PLCB4: variants seen among roughly 807,000 people sequenced by gnomAD.
PLCB4 encodes the protein 1-phosphatidylinositol 4,5-bisphosphate phosphodiesterase beta-4.
Under a neutral mutation model 178.8 loss-of-function variants are expected in PLCB4, and 77 were observed. The ratio of observed to expected loss-of-function variants is 0.43; its 90% confidence interval spans 0.36 to 0.52. PLCB4 has a LOEUF of 0.52. Among genes scored for constraint, PLCB4 ranks in the 20% least tolerant of loss-of-function variants. The pLI is 0.00. For missense variants in PLCB4, 1,024 were observed against 1,453.4 expected, an observed-to-expected ratio of 0.70 and a Z score of 4.80; for synonymous variants, 496 against 490.8, an observed-to-expected ratio of 1.01 and a Z score of -0.14.
intron 11 of PLCB4, 25 bp downstream of exon 11, chr20:9,372,428 C>G (rs746227939): frequency 9.5e-6 from 11 of 1,163,298 alleles, no homozygotes; most frequent in African/African-American, 1.5e-5. Context: ...TGAGGAAGTG[C>G]CATATAAATA....
rs977204316 is a variant in PLCB4, at chr20:9,419,799, C to T, written c.2052-8C>T. ...TACTAATAAACTTCTATGCTATTGT[C>T]CTACCAGGTACCTTCTCAAACCAGA... On this transcript the variant is annotated splice_region_variant and splice_polypyrimidine_tract_variant and intron_variant, in intron 25 of 39. Coordinates refer to ENST00000378473, the MANE Select transcript of PLCB4 (RefSeq NM_001377142.1). 1.9e-6 allele frequency: 3 copies of T among 1,578,872 alleles called. No individual in the cohort carries two copies. The highest frequency in any genetic ancestry group is 2.6e-6 in the Non-Finnish European group (3 of 1,147,798).
chr20:9,160,952 G>T lies in PLCB4; in HGVS notation c.-78-56438G>T, dbSNP rs560036872. On this transcript the variant is annotated intron_variant, in intron 2 of 39. Coordinates refer to ENST00000378473, the MANE Select transcript of PLCB4 (RefSeq NM_001377142.1). ...TAGAGAGGAGAAGTGCTTCCAAGTT[G>T]AGTGAAAGCAGAAAGCGAGCCAGAG... 2.6e-5 allele frequency among the ~76,000 whole-genome samples: 4 copies of T among 152,268 alleles called. No homozygotes were observed. The South Asian group carries it at 8.3e-4, about 32-fold the overall frequency.
At chr20:9,217,865 T>TGGGG (rs2093750658) in intron 3 of PLCB4, among the ~76,000 whole-genome samples, 1 of 152,174 alleles carries the variant, frequency 6.6e-6, no homozygotes, top group Admixed American at 6.5e-5. Context: ...GTGTACATTA[T>TGGGG]CAGCAAAAAT....
intron 2 of PLCB4, among the ~76,000 whole-genome samples, chr20:9,127,671 T>A: frequency 7.6e-6 from 1 of 132,314 alleles, no homozygotes; most frequent in South Asian, 2.5e-4. Context: ...TCTATCTATC[T>A]ATCTATCTAT....
At chr20:9,197,465 A>G (rs530292803) in intron 2 of PLCB4, among the ~76,000 whole-genome samples, 1 of 152,386 alleles carries the variant, frequency 6.6e-6, no homozygotes, top group South Asian at 2.1e-4. Context: ...TATATGGAAT[A>G]CATGTTGAAA....
chr20:9,101,440 A>G (rs1157815107), intron 2 of PLCB4, among the ~76,000 whole-genome samples: 1 of 152,138 alleles, frequency 6.6e-6, no homozygotes, highest in Non-Finnish European at 1.5e-5. Context: ...AATCTTTAAT[A>G]GTCATATTTG....
At chr20:9,410,109 A>G (rs1359879116) in intron 24 of PLCB4, among the ~76,000 whole-genome samples, 3 of 152,344 alleles carry the variant, frequency 2.0e-5, no homozygotes, top group Admixed American at 1.3e-4. Flanking sequence ...GATTGAGTGG[A>G]AGATCCTTTG....
chr20:9,245,248 A>C (rs1336915534), intron 3 of PLCB4, among the ~76,000 whole-genome samples: 1 of 152,188 alleles, frequency 6.6e-6, no homozygotes, highest in Non-Finnish European at 1.5e-5. Context: ...AGGAAGTCCC[A>C]AGGTCAGTCC....
At chr20:9,322,050 CA>C (rs1467152357) in intron 4 of PLCB4, among the ~76,000 whole-genome samples, 1 of 150,482 alleles carries the variant, frequency 6.6e-6, no homozygotes, top group Non-Finnish European at 1.5e-5. Context: ...TGGGCTTAAG[CA>C]ATTCTCCTGC....
intron 1 of PLCB4, among the ~76,000 whole-genome samples, chr20:9,085,259 A>G (rs952965896): frequency 1.3e-5 from 2 of 152,140 alleles, no homozygotes; most frequent in Non-Finnish European, 1.5e-5. Context: ...TCTCCTTTAC[A>G]TATGTGCGTG....
At chr20:9,288,230 A>G (rs1601625217) in intron 3 of PLCB4, among the ~76,000 whole-genome samples, 1 of 152,202 alleles carries the variant, frequency 6.6e-6, no homozygotes, top group South Asian at 2.1e-4. Flanking sequence ...TACTGTAAGC[A>G]ATGTTAGGAT....
At chr20:9,411,139 A>G in intron 25 of PLCB4, 51 bp downstream of exon 25, 1 of 1,222,826 alleles carries the variant, frequency 8.2e-7, no homozygotes, top group Non-Finnish European at 1.2e-6. Flanking sequence ...ACTCCATACT[A>G]CAGCTCTAAT....
At chr20:9,301,474 A>G (rs947990172) in intron 3 of PLCB4, among the ~76,000 whole-genome samples, 6 of 152,108 alleles carry the variant, frequency 3.9e-5, no homozygotes, top group Non-Finnish European at 5.9e-5. Flanking sequence ...GATCCAGCAC[A>G]TCTGAGATAG....
At chr20:9,352,341 T>G (rs147979646) in intron 7 of PLCB4, among the ~76,000 whole-genome samples, 152 of 152,310 alleles carry the variant, frequency 1.0e-3, no homozygotes, top group African/African-American at 3.6e-3. Context: ...AGTATATTTA[T>G]TGTAGTAGAT....
intron 14 of PLCB4, among the ~76,000 whole-genome samples, chr20:9,385,752 G>T (rs1361601495): frequency 6.6e-6 from 1 of 151,158 alleles, no homozygotes; most frequent in East Asian, 2.0e-4. Flanking sequence ...CCGGGCAGAG[G>T]TGCTCCTCGC....
At chr20:9,157,373 G>A (rs946853323) in intron 2 of PLCB4, among the ~76,000 whole-genome samples, 1 of 152,208 alleles carries the variant, frequency 6.6e-6, no homozygotes, top group African/African-American at 2.4e-5. Flanking sequence ...TTGGGATGCT[G>A]CATGAATTGG....
chr20:9,448,439 A>G (rs1162438783), intron 32 of PLCB4, among the ~76,000 whole-genome samples: 9 of 152,230 alleles, frequency 5.9e-5, no homozygotes, highest in African/African-American at 2.2e-4. Context: ...AGCTAAGAAC[A>G]GGGACTATTA....
At chr20:9,316,741 T>C (rs1340996663) in intron 4 of PLCB4, among the ~76,000 whole-genome samples, 1 of 152,200 alleles carries the variant, frequency 6.6e-6, no homozygotes. Flanking sequence ...CCACCTCAGT[T>C]GGCCCGAACA....
chr20:9,150,403 T>G (rs2092671727), intron 2 of PLCB4, among the ~76,000 whole-genome samples: 1 of 152,160 alleles, frequency 6.6e-6, no homozygotes. Flanking sequence ...GGTTCCATGA[T>G]TTGTATACAT....
Sources: allele counts gnomAD v4.1 joint callset (sites outside exome capture counted in the v4.1 genomes callset), GRCh38; gene constraint gnomAD v4.1.1; transcripts MANE v1.5; gene names NCBI Gene and HGNC (gene_info 2026-07-23, HGNC 2026-07-21).